PCNX3: variants seen among roughly 807,000 people sequenced by gnomAD.
PCNX3 encodes the protein pecanex-like protein 3.
PCNX3 carries 58 observed loss-of-function variants against 207.2 expected under a neutral mutation model. The observed-to-expected ratio is 0.28, with a 90% CI of 0.23 to 0.35. The LOEUF is 0.35. Ranked by LOEUF, PCNX3 falls within the 10% of genes least tolerant of loss-of-function variation. The pLI, the probability that PCNX3 is intolerant of heterozygous loss-of-function variation, is 1.00. For missense variants in PCNX3, 2,410 were observed against 2,774.4 expected, an observed-to-expected ratio of 0.87 and a Z score of 2.95; for synonymous variants, 1,337 against 1,183.5, an observed-to-expected ratio of 1.13 and a Z score of -2.66.
chr11:65,635,940 G>A lies in PCNX3; in HGVS notation c.5459+137G>A, dbSNP rs1471917165. On this transcript the variant is annotated intron_variant, in intron 32 of 34. Transcript: ENST00000355703. This position sits in a 1 kb window ranked among gnomAD's most constrained non-coding sequence, Gnocchi z 9.9. ...GATGACCCCCTCCCAGAGCTGACCT[G>A]CCCCTCCTAGATGTCACCTTACCCC... The A allele has an allele frequency of 3.3e-5, 43 of 1,318,702 alleles. 1 individual carries two copies. In the Admixed American group the frequency reaches 1.1e-3, roughly 34 times the overall value. The allele number at this position is 1,318,702 out of a possible 1,614,324, so 81.7% of individuals were successfully genotyped here. A position where few individuals can be genotyped will look rare whatever the true frequency, so the allele number is the denominator to read the frequency against.
intron 12 of PCNX3, 78 bp downstream of exon 12, chr11:65,623,722 G>A (rs983072506): frequency 2.4e-5 from 38 of 1,563,870 alleles, no homozygotes; most frequent in Admixed American, 1.3e-4. Flanking sequence ...CAGTTTTAAG[G>A]AGTATAAGCT....
rs527879367 is a variant in PCNX3 at position 65,630,219 on chromosome 11, A to T, written c.4217-132A>T. 163 of 1,325,908 alleles carry T rather than the reference A, an allele frequency of 1.2e-4. No homozygotes were observed. In the South Asian group the frequency reaches 2.2e-3, roughly 18 times the overall value. 82.1% of individuals were successfully genotyped at this position (1,325,908 alleles called of 1,614,324 possible). On this transcript the variant is annotated intron_variant, in intron 26 of 34. Transcript: ENST00000355703. The stretch of plus-strand genomic sequence containing the variant: ...GCTCTTTCGTGAATCTTGGCATCCA[A>T]TAAGGTTGACTCCCCTGGCGTCCAA...
intron 20 of PCNX3, 142 bp downstream of exon 20, chr11:65,626,196 C>T: frequency 1.7e-6 from 2 of 1,200,182 alleles, no homozygotes; most frequent in Non-Finnish European, 2.4e-6. Context: ...CCTCCCTGCC[C>T]TCTGTGTCCG....
At chr11:65,630,725 C>T in intron 27 of PCNX3, 121 bp downstream of exon 27, 1 of 1,383,366 alleles carries the variant, frequency 7.2e-7, no homozygotes, top group South Asian at 1.5e-5. Context: ...GAAGCTGAGG[C>T]CTCAGAGAGT....
rs1268871027 is a variant in PCNX3 at position 65,616,599 on chromosome 11, G to A, written c.153+135G>A. ...AGAGTTTGGGTCTGTGTGGAAGAGG[G>A]GCCAAAGTCTTCCTTTCTTGGATCG... On this transcript the variant is annotated intron_variant, in intron 1 of 34. Transcript: ENST00000355703. The A allele has an allele frequency of 3.4e-6, 4 of 1,163,176 alleles. 1 individual carries two copies. Among genetic ancestry groups the A allele is most frequent in the Middle Eastern group, 2.0e-4 (1 of 4,898 alleles). 72.1% of individuals were successfully genotyped at this position (1,163,176 alleles called of 1,614,324 possible). A position where few individuals can be genotyped will look rare whatever the true frequency, so the allele number is the denominator to read the frequency against.
chr11:65,626,604 G>A (rs1855403853), intron 20 of PCNX3: 1 of 478,856 alleles, frequency 2.1e-6, no homozygotes, highest in Non-Finnish European at 3.8e-6. Context: ...CGGGCTCACT[G>A]TGCACTCAGG....
intron 27 of PCNX3, among the ~76,000 whole-genome samples, chr11:65,631,281 C>T (rs1689639876): frequency 1.3e-5 from 2 of 152,272 alleles, no homozygotes; most frequent in South Asian, 4.1e-4. Flanking sequence ...GGGTTCTGAT[C>T]AGCCTGGAAT....
rs1249857057 is a variant in PCNX3 at position 65,625,072 on chromosome 11, G to A, written c.2919+56G>A. ...TGCAGTGCGTAAGGGTGGTTGGGGC[G>A]GGGCTGTGAACTGGGCTCAGCAGTG... On this transcript the variant is annotated intron_variant, in intron 16 of 34. Coordinates refer to ENST00000355703, the MANE Select transcript of PCNX3 (RefSeq NM_032223.4). The surrounding 1 kb of genome is among the most constrained non-coding windows in gnomAD (Gnocchi z 5.6). The A allele has an allele frequency of 3.0e-5, 48 of 1,574,450 alleles. No individual in the cohort carries two copies. Among genetic ancestry groups the A allele is most frequent in the African/African-American group, 4.0e-5 (3 of 74,084 alleles).
rs750908857 is a variant in PCNX3 at position 65,625,383 on chromosome 11, C to G, written c.3030-22C>G. 1.9e-6 allele frequency: 3 copies of G among 1,600,130 alleles called. No individual in the cohort carries two copies. Among genetic ancestry groups the G allele is most frequent in the Admixed American group, 1.7e-5 (1 of 59,896 alleles). Reference sequence around the variant, plus strand: ...CGGGGGGAAGGAGGGGCGGCCTCCTCCTGACTCTTCCTCACCCCCAGGTCT... The same window carrying G: ...CGGGGGGAAGGAGGGGCGGCCTCCTGCTGACTCTTCCTCACCCCCAGGTCT... On this transcript the variant is annotated intron_variant, in intron 17 of 34. Coordinates refer to ENST00000355703, the MANE Select transcript of PCNX3 (RefSeq NM_032223.4). This position sits in a 1 kb window ranked among gnomAD's most constrained non-coding sequence, Gnocchi z 5.6.
chr11:65,633,490 G>A (rs1035161882), intron 27 of PCNX3, among the ~76,000 whole-genome samples: 1 of 152,186 alleles, frequency 6.6e-6, no homozygotes, highest in African/African-American at 2.4e-5. Context: ...TCATGATGGG[G>A]AAGGTCCGGG....
chr11:65,620,215 G>A, intron 8 of PCNX3, 124 bp from the exon 9 acceptor site: 2 of 1,060,122 alleles, frequency 1.9e-6, no homozygotes, highest in Non-Finnish European at 2.7e-6. Context: ...CCAGAGGCTG[G>A]GCTGCCCTCT....
chr11:65,632,213 A>C (rs1855642931), intron 27 of PCNX3, among the ~76,000 whole-genome samples: 2 of 151,016 alleles, frequency 1.3e-5, no homozygotes, highest in Non-Finnish European at 2.9e-5. Context: ...GCAGAATTTG[A>C]GTCTGGAGGA....
rs1854885111 is a variant in PCNX3 at position 65,618,574 on chromosome 11, T to G, written c.1212T>G (p.Pro404=). The change falls in exon 6 of 35, where the codon CCT becomes CCG. Residue 404 remains proline (P), a synonymous_variant. Coordinates refer to ENST00000355703, the MANE Select transcript of PCNX3 (RefSeq NM_032223.4). ...CACCCCTGCGAAGACACTCTCCACC[T>G]GGCCGTGCCCCTCGACGGCCCCTGC... The part of the protein sequence containing the change: ...RQPPLRRHSP[P]GRAPRRPLLE... 10 of 1,611,984 alleles carry G rather than the reference T, an allele frequency of 6.2e-6. No homozygotes were observed. The African/African-American group carries it at 1.1e-4, about 17-fold the overall frequency.
In PCNX3 at chr11:65,619,609, A is replaced by C; in HGVS notation, c.1778A>C (p.Asn593Thr). 6.2e-7 allele frequency: 1 copy of C among 1,606,052 alleles called. No individual in the cohort carries two copies. The highest frequency in any genetic ancestry group is 8.5e-7 in the Non-Finnish European group (1 of 1,178,844). Reference sequence around the variant, plus strand: ...ACCCAGGCCATTCGGAGACGCCACAATGCAGGCAGCAACCCCACCCCTCCA... The same window carrying C: ...ACCCAGGCCATTCGGAGACGCCACACTGCAGGCAGCAACCCCACCCCTCCA... ...RRTQAIRRRH[N>T]AGSNPTPPAS... The change falls in exon 7 of 35, where the codon AAT becomes ACT. Residue 593 changes from asparagine to threonine, a missense_variant. By Grantham distance (65) the Asn-to-Thr change is moderately conservative. This residue lies in a region of PCNX3 where 1,104 missense variants were observed against 970.3 expected (regional missense o/e 1.14). Transcript: ENST00000355703.
chr11:65,624,842 TG>T, intron 15 of PCNX3, 82 bp from the exon 16 acceptor site: 2 of 1,388,298 alleles, frequency 1.4e-6, no homozygotes, highest in Non-Finnish European at 9.9e-7. Context: ...GGCCAGCCTC[TG>T]GGAGTTGAGG....
intron 20 of PCNX3, 47 bp downstream of exon 20, chr11:65,626,101 G>A (rs374520914): frequency 3.2e-6 from 5 of 1,552,876 alleles, no homozygotes; most frequent in Non-Finnish European, 2.6e-6. Context: ...GGCTCGGGCT[G>A]CAGCCTGGCT....
In PCNX3 at chr11:65,618,953, G is replaced by A. The variant is rs768119655; in HGVS notation, c.1591G>A (p.Val531Met). The A allele has an allele frequency of 1.3e-5, 21 of 1,604,980 alleles. No individual in the cohort carries two copies. Among genetic ancestry groups the A allele is most frequent in the Non-Finnish European group, 1.7e-5 (20 of 1,177,706 alleles). Residue 531 changes from valine to methionine, a missense_variant, in exon 6 of 35, where the codon GTG (valine) becomes ATG (methionine). Val to Met is a conservative substitution (Grantham distance 21, BLOSUM62 1). Transcript: ENST00000355703. ...CKAELEAQVG[V>M]EQAASEPVVL... ...GGCAGAGCTGGAGGCCCAGGTTGGG[G>A]TGGAGCAGGCTGCTAGTGAGCCTGT...
In PCNX3 at chr11:65,617,298, C is replaced by T. The variant is rs577905228; in HGVS notation, c.390C>T (p.Pro130=). ...MTVFRKVSST[P]PVRCSSQHSV... is the part of the protein sequence containing the mutation. ...TGTTCCGGAAAGTCAGTTCCACACC[C>T]CCGGTGCGCTGCAGCTCCCAGCACT... Residue 130 remains proline, a synonymous_variant, in exon 3 of 35, where the codon CCC becomes CCT. Transcript: ENST00000355703. 1.2e-6 allele frequency: 2 copies of T among 1,611,720 alleles called. No homozygotes were observed. The highest frequency in any genetic ancestry group is 2.2e-5 in the East Asian group (1 of 44,806).
chr11:65,617,754 T>A (rs1187867989), intron 5 of PCNX3, 48 bp downstream of exon 5: 3 of 1,541,960 alleles, frequency 1.9e-6, no homozygotes, highest in Admixed American at 3.9e-5. Context: ...ACCAGCTGTT[T>A]CGTTGTTGAA....
Sources: gnomAD v4.1 joint callset for allele counts (sites outside exome capture counted in the v4.1 genomes callset) on GRCh38, gnomAD v4.1.1 for gene constraint, gnomAD v4.1.1 regional missense constraint, Gnocchi (gnomAD v3.1) non-coding constraint, MANE v1.5 for transcripts, NCBI Gene and HGNC (gene_info 2026-07-23, HGNC 2026-07-21) for gene names.